Variants in MPRIP observed in about 807,000 individuals in gnomAD.
MPRIP encodes myosin phosphatase Rho-interacting protein.
A neutral mutation model predicts 234.9 loss-of-function variants in MPRIP; 59 were observed. The observed-to-expected ratio is 0.25, with a 90% CI of 0.20 to 0.31. The LOEUF (loss-of-function observed/expected upper bound fraction) is 0.31, where lower values mean the gene tolerates loss of function less well. MPRIP is among the 10% of genes least tolerant of loss of function. The pLI is 1.00. For synonymous variants in MPRIP, 1,144 were observed against 1,263.9 expected (o/e 0.91, Z 2.01); for missense variants, 2,436 against 3,071.0 (o/e 0.79, Z 4.89).
At chr17:17,097,833 T>C (rs1259450119) in intron 3 of MPRIP, among the ~76,000 whole-genome samples, 1 of 152,186 alleles carries the variant, frequency 6.6e-6, no homozygotes, top group Admixed American at 6.5e-5. Context: ...CAGATTTGTC[T>C]GACTTTTCCA....
intron 3 of MPRIP, among the ~76,000 whole-genome samples, chr17:17,118,154 G>A (rs941292192): frequency 6.6e-6 from 1 of 152,252 alleles, no homozygotes; most frequent in Admixed American, 6.5e-5. Context: ...GGTCCTGGGA[G>A]TCTCACGGGG....
At chr17:17,049,542 CTTCTT>C (rs1407066702) in intron 1 of MPRIP, among the ~76,000 whole-genome samples, 1 of 151,986 alleles carries the variant, frequency 6.6e-6, no homozygotes, top group Non-Finnish European at 1.5e-5. Flanking sequence ...ATAAAGGACT[CTTCTT>C]TTATCCTGGG....
chr17:17,068,488 C>T (rs983716866), intron 1 of MPRIP, among the ~76,000 whole-genome samples: 3 of 151,758 alleles, frequency 2.0e-5, no homozygotes, highest in African/African-American at 7.3e-5. Context: ...AAAGAACCAG[C>T]TCTTTGTTTC....
At chr17:17,065,381 A>ATTTTT (rs59705934) in intron 1 of MPRIP, among the ~76,000 whole-genome samples, 2 of 111,782 alleles carry the variant, frequency 1.8e-5, no homozygotes, top group Non-Finnish European at 1.9e-5. Context: ...GCTTGAGATG[A>ATTTTT]TTTTTTTTTT....
Position 17,147,396 on chromosome 17 carries a change from CTG to C in MPRIP, c.1629+10_1629+11del. On this transcript the variant is annotated intron_variant, in intron 11 of 23. Transcript: ENST00000651222. ...ATTCAGTGGCTGAGGAGGTGAGTGT[CTG>C]GGCTTTGCCTCTGCTGTGGAGACAG... 1 of 1,614,010 alleles carries C rather than the reference CTG, an allele frequency of 6.2e-7. No individual in the cohort carries two copies. The highest frequency in any genetic ancestry group is 8.5e-7 in the Non-Finnish European group (1 of 1,179,872).
rs1015456262 is a variant in MPRIP, at chr17:17,042,839, C to T, written c.-10C>T. ...CCGCCGCCGCCGCCGCCGTCGCCGC[C>T]GCGCCGACCATGTCGGCAGCCAAGG... is the stretch of plus-strand genomic sequence containing the variant. On this transcript the variant is annotated 5_prime_UTR_variant, in exon 1 of 24. Transcript: ENST00000651222. 4 of 1,508,272 alleles carry T rather than the reference C, an allele frequency of 2.7e-6. No individual in the cohort carries two copies. The highest frequency in any genetic ancestry group is 1.2e-5 in the South Asian group (1 of 83,508). The allele number at this position is 1,508,272 out of a possible 1,614,324, so 93.4% of individuals were successfully genotyped here. A position where few individuals can be genotyped will look rare whatever the true frequency, so the allele number is the denominator to read the frequency against.
At chr17:17,088,978 T>G (rs2089653650) in intron 3 of MPRIP, among the ~76,000 whole-genome samples, 1 of 152,220 alleles carries the variant, frequency 6.6e-6, no homozygotes, top group African/African-American at 2.4e-5. Context: ...GGAGGTGTCC[T>G]TCACCTTATG....
rs2046550375 is a variant in MPRIP, at chr17:17,189,767, A to G, written c.*4873A>G. 6.6e-6 allele frequency: 1 copy of G among 152,174 alleles called. No homozygotes were observed. Among genetic ancestry groups the G allele is most frequent in the Non-Finnish European group, 1.5e-5 (1 of 68,024 alleles). 9.4% of individuals were successfully genotyped at this position (152,174 alleles called of 1,614,324 possible). ...TTCTAAACAAGTTGTAACTTGCCCT[A>G]AGGTCCCTGTTGGAGCACTAAGAGG... On this transcript the variant is annotated 3_prime_UTR_variant, in exon 24 of 24. Transcript: ENST00000651222.
intron 3 of MPRIP, among the ~76,000 whole-genome samples, chr17:17,085,851 T>G (rs2089578455): frequency 1.3e-5 from 2 of 152,162 alleles, no homozygotes; most frequent in Non-Finnish European, 2.9e-5. Context: ...AGGCAGAGCT[T>G]GCAGTGAGCT....
chr17:17,098,238 C>T (rs1300070662), intron 3 of MPRIP, among the ~76,000 whole-genome samples: 2 of 152,202 alleles, frequency 1.3e-5, no homozygotes, highest in Non-Finnish European at 2.9e-5. Context: ...CAACCTCTTT[C>T]CCCAGAACCT....
intron 5 of MPRIP, 40 bp downstream of exon 5, chr17:17,131,741 G>T (rs368382610): frequency 5.0e-6 from 8 of 1,587,156 alleles, no homozygotes; most frequent in Non-Finnish European, 6.9e-6. Context: ...CCTCAGTGGA[G>T]CCAGGGCTTG....
chr17:17,141,140 T>G (rs1474471845), intron 7 of MPRIP, among the ~76,000 whole-genome samples: 2 of 152,220 alleles, frequency 1.3e-5, no homozygotes, highest in East Asian at 3.8e-4. Context: ...TGCATGAGGT[T>G]AAAGCCCAGC....
In MPRIP at chr17:17,166,737, C is replaced by A. The variant is rs1318567791; in HGVS notation, c.5146C>A (p.Gln1716Lys). ...GCTGAGGGAAATCCTGGGAGCCTAC[C>A]AAACCCCAGACTTTGAAAGAGTGAT... ...CLLREILGAY[Q>K]TPDFERVMQQ... The change falls in exon 16 of 24, where the codon CAA becomes AAA. Residue 1716 changes from glutamine to lysine, a missense_variant. Around this residue, in one of 4 missense-constraint regions of MPRIP, gnomAD observed 1,998 missense variants for 2,520.3 expected, o/e 0.79. Transcript: ENST00000651222. This position sits in a 1 kb window ranked among gnomAD's most constrained non-coding sequence, Gnocchi z 4.4. 7.7e-7 allele frequency: 1 copy of A among 1,304,250 alleles called. No individual in the cohort carries two copies. The highest frequency in any genetic ancestry group is 2.1e-4 in the Middle Eastern group (1 of 4,698). The allele number at this position is 1,304,250 out of a possible 1,614,324, so 80.8% of individuals were successfully genotyped here.
Position 17,189,480 on chromosome 17 carries a change from C to T in MPRIP, c.*4586C>T, listed in dbSNP as rs2046543770. The T allele has an allele frequency of 6.7e-6, 1 of 149,556 alleles. No individual in the cohort carries two copies. The highest frequency in any genetic ancestry group is 1.5e-5 in the Non-Finnish European group (1 of 67,456). The allele number at this position is 149,556 out of a possible 1,614,324, so 9.3% of individuals were successfully genotyped here. A position where few individuals can be genotyped will look rare whatever the true frequency, so the allele number is the denominator to read the frequency against. ...CTGGGATTACAGGCGTGAGCCACCACGCCTGGCCTATAAGATACGGTAAAA... is the reference window on the plus strand; with the variant it reads ...CTGGGATTACAGGCGTGAGCCACCATGCCTGGCCTATAAGATACGGTAAAA... On this transcript the variant is annotated 3_prime_UTR_variant, in exon 24 of 24. Transcript: ENST00000651222.
chr17:17,161,632 C>A (rs1377290372), intron 15 of MPRIP, among the ~76,000 whole-genome samples: 1 of 152,166 alleles, frequency 6.6e-6, no homozygotes, highest in Non-Finnish European at 1.5e-5. Context: ...GGTGACCTTT[C>A]CCTTTGACTC....
intron 17 of MPRIP, among the ~76,000 whole-genome samples, chr17:17,172,237 T>G (rs1245219370): frequency 6.6e-6 from 1 of 152,240 alleles, no homozygotes; most frequent in East Asian, 1.9e-4. Context: ...GCCCCTGCCG[T>G]CAGCGTGAAG....
At chr17:17,090,669 TCACA>T (rs2089694239) in intron 3 of MPRIP, among the ~76,000 whole-genome samples, 1 of 152,168 alleles carries the variant, frequency 6.6e-6, no homozygotes, top group African/African-American at 2.4e-5. Flanking sequence ...TAAAAAGAAA[TCACA>T]CACAAACCAC....
intron 3 of MPRIP, among the ~76,000 whole-genome samples, chr17:17,081,381 G>A (rs933573826): frequency 2.0e-5 from 3 of 152,192 alleles, no homozygotes; most frequent in African/African-American, 7.2e-5. Context: ...GCCTTGCTGC[G>A]TAATTTCTGC....
At chr17:17,169,036 TG>T (rs1304298708) in intron 16 of MPRIP, 1 of 456,188 alleles carries the variant, frequency 2.2e-6, no homozygotes. Context: ...GACACACAGG[TG>T]TGGTTGTCAG....
Sources: gnomAD v4.1 joint callset for allele counts (sites outside exome capture counted in the v4.1 genomes callset) on GRCh38, gnomAD v4.1.1 for gene constraint, gnomAD v4.1.1 regional missense constraint, Gnocchi (gnomAD v3.1) non-coding constraint, MANE v1.5 for transcripts, NCBI Gene and HGNC (gene_info 2026-07-23, HGNC 2026-07-21) for gene names.